Variants in RBFOX1 observed in about 807,000 individuals in gnomAD.
RBFOX1 encodes RNA binding protein fox-1 homolog 1.
Under a neutral mutation model 57.7 loss-of-function variants are expected in RBFOX1, and 8 were observed. That is an observed-to-expected ratio of 0.14 (90% CI 0.08 to 0.25). The LOEUF (loss-of-function observed/expected upper bound fraction) is 0.25. Among genes scored for constraint, RBFOX1 ranks in the 10% least tolerant of loss-of-function variants. The pLI is 1.00. For synonymous variants in RBFOX1, 326 were observed against 222.4 expected (o/e 1.47, Z -4.15); for missense variants, 611 against 548.5 (o/e 1.11, Z -1.14).
At position 7,179,416 on chromosome 16, in the gene RBFOX1, G is replaced by T. The variant is rs979523748; in HGVS notation, c.27+127318G>T. On this transcript the variant is annotated intron_variant, in intron 4 of 15. Coordinates refer to ENST00000550418, the MANE Select transcript of RBFOX1 (RefSeq NM_018723.4). ...TTCTCTGCCTTCCATCTCTCTCAAT[G>T]ATGTGTCCAATCTCCACAATTTGTC... Among the ~76,000 whole-genome samples, 6 of 152,080 alleles carry T rather than the reference G, an allele frequency of 3.9e-5. 1 individual carries two copies. Among genetic ancestry groups the T allele is most frequent in the Admixed American group, 3.3e-4 (5 of 15,266 alleles).
chr16:7,040,071 A>C (rs931087803), intron 3 of RBFOX1, among the ~76,000 whole-genome samples: 1 of 151,854 alleles, frequency 6.6e-6, no homozygotes, highest in Admixed American at 6.6e-5. Context: ...ACCAGGTTGG[A>C]GTGCAGTGAC....
intron 1 of RBFOX1, among the ~76,000 whole-genome samples, chr16:6,232,628 C>G (rs982351197): frequency 2.0e-5 from 3 of 152,136 alleles, no homozygotes; most frequent in African/African-American, 4.8e-5. Flanking sequence ...ATAGTGTGAG[C>G]TTTAGAAACT....
At chr16:6,532,631 C>G (rs988539349) in intron 2 of RBFOX1, among the ~76,000 whole-genome samples, 1 of 152,142 alleles carries the variant, frequency 6.6e-6, no homozygotes, top group African/African-American at 2.4e-5. Context: ...TGGTGATCGT[C>G]TCTTCTCGAG....
chr16:5,495,322 C>T (rs1041768066), intron 2 of RBFOX1, among the ~76,000 whole-genome samples: 2 of 152,198 alleles, frequency 1.3e-5, no homozygotes, highest in African/African-American at 4.8e-5. Context: ...CGAATCTTGC[C>T]TCTTGAATCT....
At chr16:6,814,145 A>G (rs1274960500) in intron 3 of RBFOX1, among the ~76,000 whole-genome samples, 1 of 152,120 alleles carries the variant, frequency 6.6e-6, no homozygotes, top group African/African-American at 2.4e-5. Flanking sequence ...TCCTAGAACA[A>G]CAACACACCA....
intron 3 of RBFOX1, among the ~76,000 whole-genome samples, chr16:7,010,439 T>A (rs1054716187): frequency 1.3e-5 from 2 of 152,082 alleles, no homozygotes; most frequent in African/African-American, 2.4e-5. Context: ...CCTCTTAGAG[T>A]TGACCGAGTC....
At chr16:6,574,671 G>T (rs1418217198) in intron 2 of RBFOX1, among the ~76,000 whole-genome samples, 40 of 131,474 alleles carry the variant, frequency 3.0e-4, no homozygotes, top group African/African-American at 9.4e-4. Context: ...CTCGTGATCC[G>T]CCCGCCTCGG....
intron 2 of RBFOX1, among the ~76,000 whole-genome samples, chr16:5,589,174 G>A (rs917804354): frequency 2.0e-5 from 3 of 152,184 alleles, no homozygotes; most frequent in African/African-American, 7.2e-5. Flanking sequence ...GTAAGAAGCT[G>A]TTGGCCCCTA....
At chr16:7,582,296 T>A (rs2093832777) in intron 6 of RBFOX1, among the ~76,000 whole-genome samples, 2 of 152,192 alleles carry the variant, frequency 1.3e-5, no homozygotes, top group South Asian at 4.1e-4. Flanking sequence ...GTGCACAAAC[T>A]CAACCTTGTT....
At chr16:5,623,154 A>G (rs1436697509) in intron 3 of RBFOX1, among the ~76,000 whole-genome samples, 2 of 152,186 alleles carry the variant, frequency 1.3e-5, no homozygotes, top group Non-Finnish European at 2.9e-5. Context: ...TAGTCTAAAG[A>G]AAGCCACCAG....
chr16:6,841,206 T>C (rs534447187), intron 3 of RBFOX1, among the ~76,000 whole-genome samples: 1 of 152,210 alleles, frequency 6.6e-6, no homozygotes, highest in Non-Finnish European at 1.5e-5. Flanking sequence ...TGAAAAGATT[T>C]AGTTATAAAC....
At chr16:6,600,002 C>T (rs990100331) in intron 2 of RBFOX1, among the ~76,000 whole-genome samples, 1 of 152,174 alleles carries the variant, frequency 6.6e-6, no homozygotes, top group African/African-American at 2.4e-5. Flanking sequence ...TTGCCATCTT[C>T]TTCCCAAAGC....
intron 4 of RBFOX1, among the ~76,000 whole-genome samples, chr16:5,875,575 A>C (rs145256510): frequency 2.0e-5 from 3 of 152,300 alleles, no homozygotes; most frequent in Admixed American, 1.3e-4. Context: ...AATACACACT[A>C]GTCGTTGTAG....
intron 4 of RBFOX1, among the ~76,000 whole-genome samples, chr16:5,902,641 C>T (rs1322053812): frequency 6.6e-6 from 1 of 152,112 alleles, no homozygotes; most frequent in Non-Finnish European, 1.5e-5. Context: ...GTCTCAAACT[C>T]CTGGCCTCAA....
chr16:7,476,082 C>G (rs2062638785), intron 4 of RBFOX1, among the ~76,000 whole-genome samples: 2 of 152,258 alleles, frequency 1.3e-5, no homozygotes, highest in African/African-American at 4.8e-5. Context: ...CCTCCCACCT[C>G]AGCATCCTGA....
chr16:7,385,490 T>C (rs1230902120), intron 4 of RBFOX1, among the ~76,000 whole-genome samples: 1 of 152,156 alleles, frequency 6.6e-6, no homozygotes, highest in East Asian at 1.9e-4. Flanking sequence ...TGGAAAGTAA[T>C]GGAGGTATCT....
At chr16:5,316,808 A>G (rs1398569018) in intron 1 of RBFOX1, among the ~76,000 whole-genome samples, 3 of 152,198 alleles carry the variant, frequency 2.0e-5, no homozygotes, top group African/African-American at 7.2e-5. Context: ...GGGCCGCCGC[A>G]GGTGCATCTC....
At chr16:6,970,977 C>G (rs1454113565) in intron 3 of RBFOX1, among the ~76,000 whole-genome samples, 1 of 152,132 alleles carries the variant, frequency 6.6e-6, no homozygotes, top group Non-Finnish European at 1.5e-5. Context: ...TCCTCCTGCC[C>G]TTATTTGATC....
chr16:5,822,384 A>G lies in RBFOX1; in HGVS notation c.319-44919A>G, dbSNP rs562446863. Among the ~76,000 whole-genome samples, 595 of 152,316 alleles carry G rather than the reference A, an allele frequency of 3.9e-3. 3 individuals carry two copies. Among genetic ancestry groups the G allele is most frequent in the Middle Eastern group, 0.02 (6 of 294 alleles). On this transcript the variant is annotated intron_variant, in intron 3 of 19. Transcript: ENST00000641259. ...GGTTCTCACAAATCTCCACTAAATA[A>G]CTTACTCATGTAACCAAATACCACC...
Sources: gnomAD v4.1 joint callset for allele counts (sites outside exome capture counted in the v4.1 genomes callset) on GRCh38, gnomAD v4.1.1 for gene constraint, MANE v1.5 for transcripts, NCBI Gene and HGNC (gene_info 2026-07-23, HGNC 2026-07-21) for gene names.